The following LRRC7 variants were observed in gnomAD, a reference collection of about 807,000 sequenced individuals.
LRRC7 encodes leucine rich repeat containing 7, also known as leucine-rich repeat-containing protein 7.
Under a neutral mutation model 175.7 loss-of-function variants are expected in LRRC7, and 23 were observed. The ratio of observed to expected loss-of-function variants is 0.13; its 90% CI spans 0.09 to 0.19. The LOEUF (loss-of-function observed/expected upper bound fraction) is 0.19. Ranked by LOEUF, LRRC7 falls within the 10% of genes least tolerant of loss-of-function variation. LRRC7 has a pLI of 1.00. For synonymous variants in LRRC7, 685 were observed against 680.9 expected, an observed-to-expected ratio of 1.01 and a Z score of -0.09; for missense variants, 1,354 against 1,904.7, an observed-to-expected ratio of 0.71 and a Z score of 5.38.
Position 70,143,002 on chromosome 1 carries a change from T to C in LRRC7, c.*21115T>C, listed in dbSNP as rs949944370. On this transcript the variant is annotated 3_prime_UTR_variant, in exon 27 of 27. Transcript: ENST00000651989. ...GGGGCATAATCCTTTTACTACTCTA[T>C]AAAGAAGTTCTACTTCTACCTATAT... 3 of 152,136 alleles carry C rather than the reference T, an allele frequency of 2.0e-5. No individual in the cohort carries two copies. The highest frequency in any genetic ancestry group is 7.2e-5 in the African/African-American group (3 of 41,454). 9.4% of individuals were successfully genotyped at this position (152,136 alleles called of 1,614,324 possible).
chr1:70,098,355 A>C (rs894830440), intron 25 of LRRC7, among the ~76,000 whole-genome samples: 2 of 151,728 alleles, frequency 1.3e-5, no homozygotes, highest in Non-Finnish European at 2.9e-5. Flanking sequence ...CTAAATGCCC[A>C]CAAGAGAAAG....
intron 11 of LRRC7, among the ~76,000 whole-genome samples, chr1:69,997,073 T>A (rs926531546): frequency 2.0e-5 from 3 of 152,090 alleles, no homozygotes; most frequent in South Asian, 2.1e-4. Context: ...CTTTTATTTC[T>A]TTGAGCAGTG....
At position 70,137,007 on chromosome 1, in the gene LRRC7, G is replaced by A. The variant is rs938200024; in HGVS notation, c.*15120G>A. 2.0e-5 allele frequency among the ~76,000 whole-genome samples: 3 copies of A among 152,082 alleles called. No homozygotes were observed. The highest frequency in any genetic ancestry group is 2.9e-5 in the Non-Finnish European group (2 of 68,012). On this transcript the variant is annotated 3_prime_UTR_variant, in exon 27 of 27. Coordinates refer to ENST00000651989, the MANE Select transcript of LRRC7 (RefSeq NM_001370785.2). ...CCCAAAGTGCTGGGATGATAGGCATGAGCCACCATCCTCGGCTCTATTGCT... is the reference window on the plus strand; with the variant it reads ...CCCAAAGTGCTGGGATGATAGGCATAAGCCACCATCCTCGGCTCTATTGCT...
In LRRC7 at chr1:70,076,190, A is replaced by T; in HGVS notation, c.4344A>T (p.Ser1448=). 1 of 1,614,080 alleles carries T rather than the reference A, an allele frequency of 6.2e-7. No homozygotes were observed. Among genetic ancestry groups the T allele is most frequent in the Non-Finnish European group, 8.5e-7 (1 of 1,180,006 alleles). The change falls in exon 24 of 27, where the codon TCA becomes TCT. Residue 1448 remains serine (S), a synonymous_variant. Coordinates refer to ENST00000651989, the MANE Select transcript of LRRC7 (RefSeq NM_001370785.2). ...INKVTIQQFQ[S]PLPIQIPSSQ... ...AAGTGACCATCCAGCAATTTCAGTC[A>T]CCATTGCCTATTCAGATCCCCTCTT... is the stretch of plus-strand genomic sequence containing the variant.
chr1:69,701,498 TA>T (rs955175027), intron 2 of LRRC7, among the ~76,000 whole-genome samples: 2 of 152,040 alleles, frequency 1.3e-5, no homozygotes, highest in African/African-American at 4.8e-5. Context: ...CATTTTCATT[TA>T]AAAAAAACCA....
chr1:69,640,675 C>T (rs1370770152), intron 1 of LRRC7, among the ~76,000 whole-genome samples: 1 of 147,434 alleles, frequency 6.8e-6, no homozygotes, highest in East Asian at 2.0e-4. Context: ...AATAAAGTAC[C>T]TGTAATTTTG....
chr1:69,766,405 G>A (rs1306352077), intron 3 of LRRC7, among the ~76,000 whole-genome samples: 1 of 152,108 alleles, frequency 6.6e-6, no homozygotes, highest in Admixed American at 6.6e-5. Flanking sequence ...GAAATTTAAG[G>A]TCTTGCTCAT....
intron 2 of LRRC7, among the ~76,000 whole-genome samples, chr1:69,682,756 G>GAATTTCATTATGGCAGCATGA (rs71242783): frequency 0.21 from 31,840 of 151,934 alleles, 3,503 homozygotes; most frequent in South Asian, 0.29. Context: ...CTAGTTCATG[G>GAATTTCATTATGGCAGCATGA]ATAGGCTAAG....
intron 7 of LRRC7, among the ~76,000 whole-genome samples, chr1:69,889,611 A>T (rs1035575969): frequency 4.6e-5 from 7 of 152,176 alleles, no homozygotes; most frequent in Admixed American, 6.5e-5. Context: ...GTTCGCTATC[A>T]ACCTGGGCAA....
chr1:70,061,703 G>C (rs575563203), intron 23 of LRRC7, among the ~76,000 whole-genome samples: 1 of 152,240 alleles, frequency 6.6e-6, no homozygotes, highest in African/African-American at 2.4e-5. Context: ...AAGTGGAAAA[G>C]TAGGAAGATA....
intron 11 of LRRC7, among the ~76,000 whole-genome samples, chr1:69,999,117 G>C (rs1349771262): frequency 6.6e-6 from 1 of 152,214 alleles, no homozygotes; most frequent in Non-Finnish European, 1.5e-5. Flanking sequence ...GTTACCACCA[G>C]AATTTAGTCA....
intron 2 of LRRC7, among the ~76,000 whole-genome samples, chr1:69,752,524 T>C (rs940374009): frequency 6.6e-6 from 1 of 152,160 alleles, no homozygotes; most frequent in African/African-American, 2.4e-5. Context: ...TTCTATCTGC[T>C]ACAGGCAGAA....
rs150635898 is a variant in LRRC7, at chr1:70,136,322, G to T, written c.*14435G>T. Among the ~76,000 whole-genome samples the T allele has an allele frequency of 1.3e-3, 195 of 152,108 alleles. No individual in the cohort carries two copies. Among genetic ancestry groups the T allele is most frequent in the African/African-American group, 4.6e-3 (192 of 41,478 alleles). ...TTTTGAGTATTCATCCAGACCTGTA[G>T]GTTTGAATCGAGAGATGTTTAAGTA... On this transcript the variant is annotated 3_prime_UTR_variant, in exon 27 of 27. Transcript: ENST00000651989.
At chr1:69,641,767 C>G (rs931021957) in intron 1 of LRRC7, among the ~76,000 whole-genome samples, 1 of 151,512 alleles carries the variant, frequency 6.6e-6, no homozygotes, top group African/African-American at 2.4e-5. Context: ...ATATAATCAT[C>G]AAGACATTTG....
intron 18 of LRRC7, among the ~76,000 whole-genome samples, chr1:70,032,172 G>T (rs143875342): frequency 1.9e-4 from 29 of 152,280 alleles, no homozygotes; most frequent in Non-Finnish European, 3.2e-4. Flanking sequence ...TTTGCACAGT[G>T]TCTGTCTAAT....
At chr1:69,961,133 G>A (rs1651038824) in intron 8 of LRRC7, among the ~76,000 whole-genome samples, 1 of 152,134 alleles carries the variant, frequency 6.6e-6, no homozygotes. Flanking sequence ...CTTCAGCAAA[G>A]TCTCAGGATA....
intron 2 of LRRC7, among the ~76,000 whole-genome samples, chr1:69,687,330 G>A (rs777172011): frequency 4.0e-5 from 6 of 151,830 alleles, no homozygotes; most frequent in Admixed American, 6.6e-5. Context: ...CCAAGATGGC[G>A]AAACCCTGTA....
intron 25 of LRRC7, among the ~76,000 whole-genome samples, chr1:70,102,894 C>T (rs1473366198): frequency 6.6e-6 from 1 of 152,010 alleles, no homozygotes; most frequent in Non-Finnish European, 1.5e-5. Context: ...TGCTCTTGAC[C>T]ACTGCTTGCA....
intron 1 of LRRC7, among the ~76,000 whole-genome samples, chr1:69,621,038 T>TC (rs1362285930): frequency 8.7e-6 from 1 of 114,810 alleles, no homozygotes; most frequent in Non-Finnish European, 2.2e-5. Flanking sequence ...TCTTTCTTCT[T>TC]TTTTTTTTCT....
Sources: allele counts gnomAD v4.1 joint callset (sites outside exome capture counted in the v4.1 genomes callset), GRCh38; gene constraint gnomAD v4.1.1; transcripts MANE v1.5; gene names NCBI Gene and HGNC (gene_info 2026-07-23, HGNC 2026-07-21).